DSCAM: variants seen among roughly 807,000 people sequenced by gnomAD.
The protein encoded by DSCAM is DS cell adhesion molecule.
Under a neutral mutation model 217.7 loss-of-function variants are expected in DSCAM, and 47 were observed. The ratio of observed to expected loss-of-function variants is 0.22; its 90% CI spans 0.17 to 0.28. The LOEUF (loss-of-function observed/expected upper bound fraction) is 0.28, where lower values mean the gene tolerates loss of function less well. DSCAM is among the 10% of genes least tolerant of loss of function. DSCAM has a pLI of 1.00. For synonymous variants in DSCAM, 1,056 were observed against 1,015.3 expected, an observed-to-expected ratio of 1.04 and a Z score of -0.76; for missense variants, 2,080 against 2,618.3, an observed-to-expected ratio of 0.79 and a Z score of 4.49.
At chr21:40,661,363 T>A (rs1307012025) in intron 3 of DSCAM, among the ~76,000 whole-genome samples, 1 of 152,204 alleles carries the variant, frequency 6.6e-6, no homozygotes, top group Non-Finnish European at 1.5e-5. Context: ...ATGTTGGGCT[T>A]AAGTACCTGG....
chr21:40,315,554 T>G (rs1425390476), intron 8 of DSCAM, among the ~76,000 whole-genome samples: 1 of 152,130 alleles, frequency 6.6e-6, no homozygotes, highest in African/African-American at 2.4e-5. Flanking sequence ...TATAGAAGAA[T>G]CAGCATTAAA....
chr21:40,681,927 G>C (rs1241530629), intron 3 of DSCAM, among the ~76,000 whole-genome samples: 1 of 152,128 alleles, frequency 6.6e-6, no homozygotes, highest in Non-Finnish European at 1.5e-5. Context: ...GCCTGACAGG[G>C]ACCCTCCCCA....
chr21:40,039,316 A>G (rs1356517987), intron 32 of DSCAM, among the ~76,000 whole-genome samples: 2 of 152,188 alleles, frequency 1.3e-5, no homozygotes, highest in Non-Finnish European at 2.9e-5. Flanking sequence ...AATCAAAAAA[A>G]AAAAGAATGG....
intron 20 of DSCAM, among the ~76,000 whole-genome samples, chr21:40,106,395 G>T (rs1281487867): frequency 6.6e-6 from 1 of 152,120 alleles, no homozygotes; most frequent in Non-Finnish European, 1.5e-5. Flanking sequence ...TGAGATTTCT[G>T]CATTGATGTT....
At chr21:40,584,136 AAAG>A (rs1327943828) in intron 3 of DSCAM, among the ~76,000 whole-genome samples, 1 of 152,146 alleles carries the variant, frequency 6.6e-6, no homozygotes. Context: ...ATCCATAAGA[AAAG>A]AAGCACAGAG....
At chr21:40,015,511 C>G (rs1221009709) in intron 32 of DSCAM, among the ~76,000 whole-genome samples, 2 of 151,654 alleles carry the variant, frequency 1.3e-5, no homozygotes, top group African/African-American at 4.8e-5. Flanking sequence ...CTCACTGTAG[C>G]CTCAAACTCC....
chr21:40,724,960 A>C (rs2090939040), intron 1 of DSCAM, among the ~76,000 whole-genome samples: 1 of 152,174 alleles, frequency 6.6e-6, no homozygotes, highest in African/African-American at 2.4e-5. Context: ...AAACAAAATA[A>C]ATGACCATTC....
rs1206211381 is a variant in DSCAM at position 40,692,814 on chromosome 21, G to A, written c.504C>T (p.Val168=). ...CCCTGGAGACGCAAAGCCTACCTGA[G>A]ACAAGTGAAACAGTGTCTTTCTCCC... ...VSWEKDTVSL[V]SGSRFLITST... The change falls in exon 3 of 33, where the codon GTC becomes GTT. Residue 168 remains valine, a synonymous_variant. Transcript: ENST00000400454. 6.2e-7 allele frequency: 1 copy of A among 1,612,108 alleles called. No individual in the cohort carries two copies. The highest frequency in any genetic ancestry group is 1.3e-5 in the African/African-American group (1 of 74,900).
intron 21 of DSCAM, among the ~76,000 whole-genome samples, chr21:40,090,439 C>T (rs2146584824): frequency 6.6e-6 from 1 of 152,276 alleles, no homozygotes; most frequent in South Asian, 2.1e-4. Flanking sequence ...TTTCTGCATG[C>T]CCCTCCACAC....
At chr21:40,431,048 T>C (rs2075526327) in intron 3 of DSCAM, among the ~76,000 whole-genome samples, 1 of 152,248 alleles carries the variant, frequency 6.6e-6, no homozygotes, top group Non-Finnish European at 1.5e-5. Context: ...ATATGGAGCA[T>C]CTCTATGTTA....
intron 19 of DSCAM, among the ~76,000 whole-genome samples, chr21:40,130,694 G>T (rs974368966): frequency 2.0e-5 from 3 of 152,188 alleles, no homozygotes; most frequent in African/African-American, 4.8e-5. Flanking sequence ...TGTGTCCATG[G>T]AACTGTGAAT....
intron 6 of DSCAM, among the ~76,000 whole-genome samples, chr21:40,345,220 A>G (rs1163379337): frequency 6.6e-6 from 1 of 152,124 alleles, no homozygotes; most frequent in East Asian, 1.9e-4. Context: ...CAGTTCTAAC[A>G]TCTGGGTCCT....
At chr21:40,813,344 T>C (rs2091854805) in intron 1 of DSCAM, among the ~76,000 whole-genome samples, 1 of 152,136 alleles carries the variant, frequency 6.6e-6, no homozygotes, top group Admixed American at 6.5e-5. Flanking sequence ...GACAGGGGTA[T>C]TATTTGGGTT....
At chr21:40,183,566 T>C (rs1176171179) in intron 14 of DSCAM, among the ~76,000 whole-genome samples, 1 of 152,184 alleles carries the variant, frequency 6.6e-6, no homozygotes, top group East Asian at 1.9e-4. Flanking sequence ...AGTCATCTGT[T>C]GTCAAATCCT....
At chr21:40,447,174 T>G (rs568104278) in intron 3 of DSCAM, among the ~76,000 whole-genome samples, 1 of 152,216 alleles carries the variant, frequency 6.6e-6, no homozygotes, top group South Asian at 2.1e-4. Flanking sequence ...CTAATCAGGC[T>G]AAGGTTGGGC....
intron 11 of DSCAM, among the ~76,000 whole-genome samples, chr21:40,252,823 A>G (rs1308316106): frequency 6.6e-6 from 1 of 152,176 alleles, no homozygotes; most frequent in East Asian, 1.9e-4. Context: ...CAGTCCCCAC[A>G]ACTTCCCAAC....
chr21:40,825,253 A>G (rs2091958629), intron 1 of DSCAM, among the ~76,000 whole-genome samples: 1 of 148,752 alleles, frequency 6.7e-6, no homozygotes, highest in Non-Finnish European at 1.5e-5. Flanking sequence ...GTGTTCAGTG[A>G]ACATTTTCTT....
At chr21:40,180,504 A>C (rs533390510) in intron 14 of DSCAM, among the ~76,000 whole-genome samples, 1 of 152,308 alleles carries the variant, frequency 6.6e-6, no homozygotes, top group Non-Finnish European at 1.5e-5. Context: ...GATTCAATGG[A>C]AGACAAATGA....
intron 1 of DSCAM, among the ~76,000 whole-genome samples, chr21:40,759,952 C>T (rs1376191431): frequency 6.7e-6 from 1 of 148,456 alleles, no homozygotes; most frequent in African/African-American, 2.5e-5. Flanking sequence ...GTATTGGATA[C>T]GTTTACATTT....
Sources: gnomAD v4.1 joint callset for allele counts (sites outside exome capture counted in the v4.1 genomes callset) on GRCh38, gnomAD v4.1.1 for gene constraint, MANE v1.5 for transcripts, NCBI Gene and HGNC (gene_info 2026-07-23, HGNC 2026-07-21) for gene names.